ZNF385D: variants seen among roughly 807,000 people sequenced by gnomAD.
The protein encoded by ZNF385D is zinc finger protein 659.
ZNF385D carries 15 observed loss-of-function variants against 35.8 expected under a neutral mutation model. That is an observed-to-expected ratio of 0.42 (90% CI 0.28 to 0.64). ZNF385D has a LOEUF of 0.64. Among genes scored for constraint, ZNF385D ranks in the 30% least tolerant of loss-of-function variants. The pLI, the probability that ZNF385D is intolerant of heterozygous loss-of-function variation, is 0.23. For missense variants in ZNF385D, 474 were observed against 494.6 expected (o/e 0.96, Z 0.39); for synonymous variants, 212 against 186.8 (o/e 1.13, Z -1.10).
At chr3:21,732,425 C>G (rs776023574) in intron 1 of ZNF385D, among the ~76,000 whole-genome samples, 1 of 152,032 alleles carries the variant, frequency 6.6e-6, no homozygotes, top group Non-Finnish European at 1.5e-5. Flanking sequence ...ATTCCTGGAT[C>G]ATATGGTAAA....
intron 2 of ZNF385D, among the ~76,000 whole-genome samples, chr3:22,220,247 T>C (rs1472376553): frequency 6.6e-6 from 1 of 151,936 alleles, no homozygotes; most frequent in Non-Finnish European, 1.5e-5. Flanking sequence ...CGAGTTTTCA[T>C]AGAGACAAGA....
At chr3:22,137,287 T>G (rs1030904823) in intron 3 of ZNF385D, among the ~76,000 whole-genome samples, 2 of 152,036 alleles carry the variant, frequency 1.3e-5, no homozygotes, top group African/African-American at 2.4e-5. Flanking sequence ...TTCCAATCAA[T>G]AGAAAACGAG....
chr3:21,762,298 T>A (rs558753613), intron 3 of ZNF385D, among the ~76,000 whole-genome samples: 1 of 152,314 alleles, frequency 6.6e-6, no homozygotes, highest in African/African-American at 2.4e-5. Flanking sequence ...CTTTGCTTCA[T>A]AATCAAACTT....
chr3:21,717,019 G>A lies in ZNF385D; in HGVS notation c.22+33876C>T, dbSNP rs184573952. On this transcript the variant is annotated intron_variant, in intron 1 of 7. Coordinates refer to ENST00000281523, the MANE Select transcript of ZNF385D (RefSeq NM_024697.3). Reference sequence around the variant, plus strand: ...GTGGTGATGTGCGCCTGTAGTCCCAGCTACTCAGGAGTCTGAGGCAGGAGA... The same window carrying A: ...GTGGTGATGTGCGCCTGTAGTCCCAACTACTCAGGAGTCTGAGGCAGGAGA... Among the ~76,000 whole-genome samples the A allele has an allele frequency of 2.0e-3, 308 of 152,218 alleles. 2 individuals carry two copies. The highest frequency in any genetic ancestry group is 0.01 in the Middle Eastern group (3 of 294).
At chr3:21,816,658 C>A (rs1460203867) in intron 3 of ZNF385D, among the ~76,000 whole-genome samples, 1 of 152,110 alleles carries the variant, frequency 6.6e-6, no homozygotes, top group Non-Finnish European at 1.5e-5. Context: ...AGGAGAACTA[C>A]AAACCACTGC....
At chr3:21,691,584 CTTT>C (rs1264047925) in intron 1 of ZNF385D, among the ~76,000 whole-genome samples, 2 of 152,120 alleles carry the variant, frequency 1.3e-5, no homozygotes, top group Non-Finnish European at 2.9e-5. Context: ...CCACCCCCTT[CTTT>C]TTTCTTTGCT....
At chr3:21,489,937 T>C (rs955166942) in intron 4 of ZNF385D, among the ~76,000 whole-genome samples, 2 of 152,136 alleles carry the variant, frequency 1.3e-5, no homozygotes, top group African/African-American at 4.8e-5. Flanking sequence ...TTCTGACCAC[T>C]TGAGAGGCTA....
intron 2 of ZNF385D, among the ~76,000 whole-genome samples, chr3:21,606,748 T>C (rs2064496356): frequency 6.6e-6 from 1 of 152,152 alleles, no homozygotes; most frequent in Non-Finnish European, 1.5e-5. Context: ...CCATCAGACC[T>C]TTCCACCCCA....
At chr3:22,025,048 A>T (rs1320455232) in intron 3 of ZNF385D, among the ~76,000 whole-genome samples, 1 of 152,172 alleles carries the variant, frequency 6.6e-6, no homozygotes, top group Non-Finnish European at 1.5e-5. Flanking sequence ...GCATTGATTA[A>T]AAAGAATGGG....
intron 2 of ZNF385D, among the ~76,000 whole-genome samples, chr3:21,618,432 T>C (rs2064910868): frequency 6.6e-6 from 1 of 152,164 alleles, no homozygotes; most frequent in Middle Eastern, 3.2e-3. Context: ...ATACCCAGTG[T>C]TGGACTTCTG....
At chr3:21,528,703 A>G (rs567474930) in intron 3 of ZNF385D, among the ~76,000 whole-genome samples, 8 of 152,332 alleles carry the variant, frequency 5.3e-5, no homozygotes, top group African/African-American at 1.7e-4. Flanking sequence ...TAGAGCCACT[A>G]TGCATCTTTT....
rs140349124 is a variant in ZNF385D at position 22,236,108 on chromosome 3, T to C, written c.107-67073A>G. Among the ~76,000 whole-genome samples the C allele has an allele frequency of 1.6e-3, 243 of 152,118 alleles. 2 individuals are homozygous for C. The highest frequency in any genetic ancestry group is 5.7e-3 in the African/African-American group (237 of 41,518). On this transcript the variant is annotated intron_variant, in intron 2 of 5. Transcript: ENST00000494108. Reference sequence around the variant, plus strand: ...AATAATATACAATCAGCACAAATAATAATACAAATTTTTAAATGCAAACAA... The same window carrying C: ...AATAATATACAATCAGCACAAATAACAATACAAATTTTTAAATGCAAACAA...
chr3:21,882,109 T>C lies in ZNF385D; in HGVS notation c.326-217081A>G, dbSNP rs539315660. 1.0e-3 allele frequency among the ~76,000 whole-genome samples: 155 copies of C among 152,054 alleles called. 1 individual carries two copies. The highest frequency in any genetic ancestry group is 2.0e-3 in the Non-Finnish European group (136 of 67,972). On this transcript the variant is annotated intron_variant, in intron 3 of 5. Coordinates refer to the ZNF385D transcript ENST00000494108. ...GATTTAGAATATTACATTAACTTAG[T>C]TAATAAATCAGTGGCAGAGTTTCAG...
At chr3:21,944,221 ATCT>A (rs1242697489) in intron 3 of ZNF385D, among the ~76,000 whole-genome samples, 5 of 152,312 alleles carry the variant, frequency 3.3e-5, no homozygotes, top group Admixed American at 6.5e-5. Flanking sequence ...GGCTGTACAA[ATCT>A]TCTTAAGTCT....
At chr3:21,850,703 G>A (rs1268201568) in intron 3 of ZNF385D, among the ~76,000 whole-genome samples, 3 of 152,072 alleles carry the variant, frequency 2.0e-5, no homozygotes, top group Non-Finnish European at 2.9e-5. Flanking sequence ...ACTCTGACCA[G>A]CCAAAGGGAG....
At chr3:22,255,629 T>G (rs934313701) in intron 2 of ZNF385D, among the ~76,000 whole-genome samples, 7 of 151,706 alleles carry the variant, frequency 4.6e-5, no homozygotes, top group Admixed American at 3.3e-4. Context: ...TGCCTATTTC[T>G]CAGCCTTTAA....
At chr3:22,201,799 G>GTA (rs1398065492) in intron 2 of ZNF385D, among the ~76,000 whole-genome samples, 3 of 151,216 alleles carry the variant, frequency 2.0e-5, no homozygotes, top group Non-Finnish European at 2.9e-5. Flanking sequence ...GAATGTGTGT[G>GTA]TATATATATA....
At chr3:22,159,584 G>C (rs927260933) in intron 3 of ZNF385D, among the ~76,000 whole-genome samples, 2 of 152,040 alleles carry the variant, frequency 1.3e-5, no homozygotes, top group Admixed American at 6.6e-5. Flanking sequence ...TTAAGTCCAG[G>C]TAAAACAAAT....
At chr3:21,578,522 A>G (rs889261659) in intron 2 of ZNF385D, among the ~76,000 whole-genome samples, 1 of 152,154 alleles carries the variant, frequency 6.6e-6, no homozygotes, top group African/African-American at 2.4e-5. Context: ...GGGGAGAGAT[A>G]GGGGGTCTAG....
Sources: gnomAD v4.1 joint callset for allele counts (sites outside exome capture counted in the v4.1 genomes callset) on GRCh38, gnomAD v4.1.1 for gene constraint, MANE v1.5 for transcripts, NCBI Gene and HGNC (gene_info 2026-07-23, HGNC 2026-07-21) for gene names.